The following GFI1B variants were observed in gnomAD, a reference collection of about 807,000 sequenced individuals.
GFI1B encodes the protein zinc finger protein Gfi-1b.
GFI1B carries 20 observed loss-of-function variants against 35.3 expected under a neutral mutation model. That is an observed-to-expected ratio of 0.57 (90% CI 0.40 to 0.82). The LOEUF is 0.82. GFI1B is among the 40% of genes least tolerant of loss of function. GFI1B has a pLI of 0.00. For missense variants in GFI1B, 430 were observed against 446.3 expected (o/e 0.96, Z 0.33); for synonymous variants, 178 against 177.6 (o/e 1.00, Z -0.02).
At chr9:132,980,784 T>C (rs912268404) in intron 1 of GFI1B, among the ~76,000 whole-genome samples, 7 of 152,274 alleles carry the variant, frequency 4.6e-5, no homozygotes, top group African/African-American at 1.2e-4. Flanking sequence ...CTTTTGTGAT[T>C]GGCTTATTTC....
chr9:132,991,044 CAAGT>C lies in GFI1B; in HGVS notation c.988_991del (p.Lys330GlufsTer108). ...GGCACCGCGAGAGCCAGCACAATCT[CAAGT>C]GAGGCTGCGCCGGCTCCCAGCTCCT... On this transcript the variant is annotated frameshift_variant and stop_lost, in exon 7 of 7. Transcript: ENST00000372122. LOFTEE classifies it high-confidence loss of function. 6.2e-7 allele frequency: 1 copy of C among 1,613,560 alleles called. No homozygotes were observed. The highest frequency in any genetic ancestry group is 8.5e-7 in the Non-Finnish European group (1 of 1,179,838).
intron 1 of GFI1B, among the ~76,000 whole-genome samples, chr9:132,957,051 G>A (rs1242589653): frequency 5.3e-5 from 8 of 152,326 alleles, no homozygotes; most frequent in Non-Finnish European, 1.2e-4. Flanking sequence ...GCCTGCAAGT[G>A]TGCCATCCCA....
At chr9:132,954,659 C>A (rs933616995) in intron 1 of GFI1B, among the ~76,000 whole-genome samples, 3 of 151,608 alleles carry the variant, frequency 2.0e-5, no homozygotes, top group African/African-American at 7.3e-5. Context: ...TGGGCTCAAG[C>A]AATCCTCCTG....
chr9:132,966,403 G>GA (rs886272573), intron 1 of GFI1B, among the ~76,000 whole-genome samples: 3 of 151,668 alleles, frequency 2.0e-5, no homozygotes, highest in Non-Finnish European at 4.4e-5. Flanking sequence ...GAAAAAAGAA[G>GA]AAAAAATCCC....
At chr9:132,982,232 G>A (rs1041549226) in intron 1 of GFI1B, among the ~76,000 whole-genome samples, 4 of 152,202 alleles carry the variant, frequency 2.6e-5, no homozygotes, top group Non-Finnish European at 4.4e-5. Flanking sequence ...AGAGCAAAAG[G>A]GAAGTTTAGA....
intron 1 of GFI1B, among the ~76,000 whole-genome samples, chr9:132,958,573 C>A (rs1848318159): frequency 6.6e-6 from 1 of 152,186 alleles, no homozygotes; most frequent in African/African-American, 2.4e-5. Context: ...TGGTAATAAA[C>A]CATCCGTGAG....
rs1037462256 is a variant in GFI1B, at chr9:132,988,923, G to A, written c.511-138G>A. On this transcript the variant is annotated intron_variant, in intron 4 of 6. Transcript: ENST00000372122. ...CCCTGGGACACACAGCAAGCAAGCA[G>A]CAGAACTGGCAATCCAGTGCCCCTT... 5.0e-6 allele frequency: 4 copies of A among 798,562 alleles called. No homozygotes were observed. In the African/African-American group the frequency reaches 6.8e-5, roughly 13 times the overall value. The allele number at this position is 798,562 out of a possible 1,614,324, so 49.5% of individuals were successfully genotyped here.
In GFI1B at chr9:132,969,959, T is replaced by C. The variant is rs559560032; in HGVS notation, c.-700-2766T>C. On this transcript the variant is annotated intron_variant, in intron 1 of 10. Coordinates refer to the GFI1B transcript ENST00000339463. ...AGGCGGCCGGTACATGCAAAATAGA[T>C]GTAAATCGCGTGCAAATCCTGGCTG... Among the ~76,000 whole-genome samples, 6 of 152,174 alleles carry C rather than the reference T, an allele frequency of 3.9e-5. No individual in the cohort carries two copies. The South Asian group carries it at 1.0e-3, about 26-fold the overall frequency.
chr9:132,951,852 G>A (rs1848207843), intron 1 of GFI1B: 1 of 152,120 alleles, frequency 6.6e-6, no homozygotes, highest in African/African-American at 2.4e-5. Flanking sequence ...AGTGCAACCT[G>A]GAACACCTAG....
At position 132,979,333 on chromosome 9, in the gene GFI1B, G is replaced by A. The variant is rs369342828; in HGVS notation, c.-21+492G>A. Among the ~76,000 whole-genome samples, 9 of 136,486 alleles carry A rather than the reference G, an allele frequency of 6.6e-5. No homozygotes were observed. In the East Asian group the frequency reaches 1.6e-3, roughly 24 times the overall value. 89.5% of individuals were successfully genotyped at this position (136,486 alleles called of 152,430 possible). On this transcript the variant is annotated intron_variant, in intron 1 of 6. Transcript: ENST00000372122. ...GATTGCACTGAAACCTCTGCCTCCCGAATTCAAGCGATTCTCCTGCCTCAG... is the reference window on the plus strand; with the variant it reads ...GATTGCACTGAAACCTCTGCCTCCCAAATTCAAGCGATTCTCCTGCCTCAG...
intron 3 of GFI1B, 122 bp from the exon 4 acceptor site, chr9:132,988,075 A>C (rs1849141451): frequency 4.7e-6 from 4 of 846,644 alleles, no homozygotes; most frequent in African/African-American, 1.7e-5. Flanking sequence ...TGAACTCCCG[A>C]CCTCAAGTGA....
At position 132,989,187 on chromosome 9, in the gene GFI1B, G is replaced by T; in HGVS notation, c.637G>T (p.Val213Phe). Residue 213 changes from valine to phenylalanine, a missense_variant, in exon 5 of 7, where the codon GTC becomes TTC. Coordinates refer to ENST00000372122, the MANE Select transcript of GFI1B (RefSeq NM_001377304.1). The surrounding 1 kb of genome is among the most constrained non-coding windows in gnomAD (Gnocchi z 6.2). ...TGTGAGCCTGGAGCAGCACACGCACGTCCACTCCCAGGTGGGCACCTGGCC... is the reference window on the plus strand; with the variant it reads ...TGTGAGCCTGGAGCAGCACACGCACTTCCACTCCCAGGTGGGCACCTGGCC... ...HAVSLEQHTH[V>F]HSQERSFECR... 2 of 1,613,180 alleles carry T rather than the reference G, an allele frequency of 1.2e-6. No individual in the cohort carries two copies. The highest frequency in any genetic ancestry group is 1.7e-6 in the Non-Finnish European group (2 of 1,179,704).
chr9:132,978,130 G>T (rs946205609), upstream of GFI1B, among the ~76,000 whole-genome samples: 3 of 151,282 alleles, frequency 2.0e-5, no homozygotes, highest in Non-Finnish European at 4.4e-5. Flanking sequence ...GCAGCGAGGA[G>T]GGAGGCAGGG....
chr9:132,986,738 G>A lies in GFI1B; in HGVS notation c.60G>A (p.Val20=), dbSNP rs758840675. ...KKAHTYHQPR[V]QEDEPLWPPA... Reference sequence around the variant, plus strand: ...CTCACACCTACCACCAGCCCCGTGTGCAGGAAGATGAACCGCTCTGGCCTC... The same window carrying A: ...CTCACACCTACCACCAGCCCCGTGTACAGGAAGATGAACCGCTCTGGCCTC... Residue 20 remains valine, a synonymous_variant, in exon 2 of 7, where the codon GTG becomes GTA. Coordinates refer to ENST00000372122, the MANE Select transcript of GFI1B (RefSeq NM_001377304.1). 23 of 1,613,082 alleles carry A rather than the reference G, an allele frequency of 1.4e-5. No individual in the cohort carries two copies. The highest frequency in any genetic ancestry group is 1.9e-5 in the Non-Finnish European group (22 of 1,179,594).
At chr9:132,959,469 A>G (rs1035767982) in intron 1 of GFI1B, among the ~76,000 whole-genome samples, 2 of 152,236 alleles carry the variant, frequency 1.3e-5, no homozygotes, top group Non-Finnish European at 2.9e-5. Context: ...ACGTGAGAAC[A>G]GGTTAATACG....
At chr9:132,962,933 A>AG (rs1848390019) in intron 1 of GFI1B, among the ~76,000 whole-genome samples, 1 of 149,004 alleles carries the variant, frequency 6.7e-6, no homozygotes, top group South Asian at 2.1e-4. Context: ...AAAAAAAAAA[A>AG]TAGCCAGGCG....
At chr9:132,961,421 A>AC (rs1164645907) in intron 1 of GFI1B, among the ~76,000 whole-genome samples, 1 of 102,138 alleles carries the variant, frequency 9.8e-6, no homozygotes, top group African/African-American at 4.6e-5. Flanking sequence ...CAATTATTTG[A>AC]CAAAAAAAAA....
chr9:132,989,667 G>C lies in GFI1B; in HGVS notation c.649-75G>C. The C allele has an allele frequency of 5.5e-6, 7 of 1,278,694 alleles. No homozygotes were observed. In the South Asian group the frequency reaches 7.4e-5, roughly 13 times the overall value. The allele number at this position is 1,278,694 out of a possible 1,614,324, so 79.2% of individuals were successfully genotyped here. ...CCAGGCCGCCCCAATGGAGTGTCCT[G>C]TTCCGCAGGGGATCCCGGCCGGGTC... is the stretch of plus-strand genomic sequence containing the variant. On this transcript the variant is annotated intron_variant, in intron 5 of 6. Coordinates refer to ENST00000372122, the MANE Select transcript of GFI1B (RefSeq NM_001377304.1). This position sits in a 1 kb window ranked among gnomAD's most constrained non-coding sequence, Gnocchi z 6.2.
intron 1 of GFI1B, among the ~76,000 whole-genome samples, chr9:132,962,894 A>G (rs111968200): frequency 0.014 from 2,063 of 148,658 alleles, 49 homozygotes; most frequent in African/African-American, 0.048. Flanking sequence ...AACGTGGTGA[A>G]AACCCATCTC....
Sources: gnomAD v4.1 joint callset for allele counts (sites outside exome capture counted in the v4.1 genomes callset) on GRCh38, gnomAD v4.1.1 for gene constraint, Gnocchi (gnomAD v3.1) non-coding constraint, MANE v1.5 for transcripts, NCBI Gene and HGNC (gene_info 2026-07-23, HGNC 2026-07-21) for gene names.